SHFL: variants seen among roughly 807,000 people sequenced by gnomAD.
SHFL encodes the protein shiftless antiviral inhibitor of ribosomal frameshifting protein.
Under a neutral mutation model 34.7 loss-of-function variants are expected in SHFL, and 12 were observed. The observed-to-expected ratio is 0.35, with a 90% confidence interval of 0.22 to 0.56. The LOEUF is 0.56. Among genes scored for constraint, SHFL ranks in the 20% least tolerant of loss-of-function variants. The pLI is 0.88. For missense variants in SHFL, 278 were observed against 411.1 expected (o/e 0.68, Z 2.80); for synonymous variants, 148 against 156.0 (o/e 0.95, Z 0.38).
In SHFL at chr19:10,091,774, G is replaced by A; in HGVS notation, c.643+144G>A. On this transcript the variant is annotated intron_variant, in intron 7 of 7. Transcript: ENST00000253110. The surrounding 1 kb of genome is among the most constrained non-coding windows in gnomAD (Gnocchi z 8.2). Reference sequence around the variant, plus strand: ...GCCTCCATGACCCCCCAGTCTCCGTGGTCTTGCCCAGGAGGCTCTGAGGTT... The same window carrying A: ...GCCTCCATGACCCCCCAGTCTCCGTAGTCTTGCCCAGGAGGCTCTGAGGTT... 8.2e-7 allele frequency: 1 copy of A among 1,221,762 alleles called. No homozygotes were observed. 75.7% of individuals were successfully genotyped at this position (1,221,762 alleles called of 1,614,324 possible). A position where few individuals can be genotyped will look rare whatever the true frequency, so the allele number is the denominator to read the frequency against.
chr19:10,092,883 C>G lies in SHFL; in HGVS notation c.*581C>G, dbSNP rs1409650055. On this transcript the variant is annotated 3_prime_UTR_variant, in exon 8 of 8. Coordinates refer to ENST00000253110, the MANE Select transcript of SHFL (RefSeq NM_018381.4). Reference sequence around the variant, plus strand: ...CAGGCATCCCCTGGCCCCTCCCATTCTTATTGAATACAAGCCCTGATCTTC... The same window carrying G: ...CAGGCATCCCCTGGCCCCTCCCATTGTTATTGAATACAAGCCCTGATCTTC... 1 of 951,468 alleles carries G rather than the reference C, an allele frequency of 1.1e-6. No individual in the cohort carries two copies. The highest frequency in any genetic ancestry group is 1.5e-6 in the Non-Finnish European group (1 of 668,888). 58.9% of individuals were successfully genotyped at this position (951,468 alleles called of 1,614,324 possible).
In SHFL at chr19:10,089,685, G is replaced by C; in HGVS notation, c.224G>C (p.Arg75Pro). The change falls in exon 4 of 8, where the codon CGG becomes CCG. Residue 75 changes from arginine to proline, a missense_variant. By Grantham distance (103) the Arg-to-Pro change is moderately radical. Transcript: ENST00000253110. ...CCACCAGAAGATATGAAGCAGGACCGGGACATTCAGGTGAGTTGGTGGCTA... is the reference window on the plus strand; with the variant it reads ...CCACCAGAAGATATGAAGCAGGACCCGGACATTCAGGTGAGTTGGTGGCTA... Reference protein sequence around the residue: ...QDPPEDMKQDRDIQAVATSLL... With the variant: ...QDPPEDMKQDPDIQAVATSLL... The C allele has an allele frequency of 6.3e-7, 1 of 1,598,386 alleles. No individual in the cohort carries two copies. Among genetic ancestry groups the C allele is most frequent in the Non-Finnish European group, 8.5e-7 (1 of 1,172,038 alleles).
chr19:10,091,351 C>T lies in SHFL; in HGVS notation c.486C>T (p.Phe162=). ...ACTGCCCGAAGTGTCGGCACAACTT[C>T]CGGTGAGGGCGCTGACCCCCAGCTC... ...EFHCPKCRHN[F]RGWAQMGSPS... The change falls in exon 6 of 8, where the codon TTC becomes TTT. Residue 162 remains phenylalanine (F), a splice_region_variant and synonymous_variant. Transcript: ENST00000253110. The surrounding 1 kb of genome is among the most constrained non-coding windows in gnomAD (Gnocchi z 8.2). 1 of 1,613,236 alleles carries T rather than the reference C, an allele frequency of 6.2e-7. No homozygotes were observed. Among genetic ancestry groups the T allele is most frequent in the Non-Finnish European group, 8.5e-7 (1 of 1,179,616 alleles).
At chr19:10,087,144 C>T (rs2088301708) in intron 2 of SHFL, 92 bp downstream of exon 2, 4 of 1,587,748 alleles carry the variant, frequency 2.5e-6, no homozygotes, top group Non-Finnish European at 3.4e-6. Context: ...AGATCACCTC[C>T]CCCGGAGGTC....
chr19:10,089,881 C>T lies in SHFL; in HGVS notation c.235-17C>T, dbSNP rs896351969. 6.2e-7 allele frequency: 1 copy of T among 1,609,432 alleles called. No individual in the cohort carries two copies. The highest frequency in any genetic ancestry group is 1.7e-5 in the Admixed American group (1 of 59,484). ...GTGACACCCCCCCACCTCATCCCCA[C>T]CTGCCCCATTCCACAGGCAGTGGCG... On this transcript the variant is annotated splice_polypyrimidine_tract_variant and intron_variant, in intron 4 of 7. Coordinates refer to ENST00000253110, the MANE Select transcript of SHFL (RefSeq NM_018381.4).
intron 3 of SHFL, among the ~76,000 whole-genome samples, chr19:10,088,864 T>C (rs2145153819): frequency 6.6e-6 from 1 of 150,720 alleles, no homozygotes; most frequent in East Asian, 2.0e-4. Flanking sequence ...GAAGAATCAC[T>C]TGAACCTGGG....
In SHFL at chr19:10,093,234, C is replaced by T; in HGVS notation, c.*932C>T. On this transcript the variant is annotated 3_prime_UTR_variant, in exon 8 of 8. Coordinates refer to ENST00000253110, the MANE Select transcript of SHFL (RefSeq NM_018381.4). ...GTTCTCTTGACGGAATAAAAGCTTG[C>T]TTATCCTTATACTTACCAGAGGGGC... The T allele has an allele frequency of 7.4e-7, 1 of 1,357,954 alleles. No homozygotes were observed. The highest frequency in any genetic ancestry group is 1.0e-6 in the Non-Finnish European group (1 of 993,352). 84.1% of individuals were successfully genotyped at this position (1,357,954 alleles called of 1,614,324 possible).
rs1002825237 is a variant in SHFL at position 10,093,103 on chromosome 19, C to T, written c.*801C>T. On this transcript the variant is annotated 3_prime_UTR_variant, in exon 8 of 8. Coordinates refer to ENST00000253110, the MANE Select transcript of SHFL (RefSeq NM_018381.4). ...TTTCTAGAATAAGAGTACTAGCTCT[C>T]ACCCTCTGCCCTTTACTTGAACAGG... 6 of 551,662 alleles carry T rather than the reference C, an allele frequency of 1.1e-5. No homozygotes were observed. The highest frequency in any genetic ancestry group is 9.3e-5 in the African/African-American group (5 of 53,496). The allele number at this position is 551,662 out of a possible 1,614,324, so 34.2% of individuals were successfully genotyped here. A position where few individuals can be genotyped will look rare whatever the true frequency, so the allele number is the denominator to read the frequency against.
intron 3 of SHFL, chr19:10,089,113 A>G (rs1221968253): frequency 4.8e-6 from 3 of 630,678 alleles, no homozygotes; most frequent in Admixed American, 2.9e-5. Context: ...TTTCACAGAC[A>G]AAGAAACTGA....
At position 10,086,958 on chromosome 19, in the gene SHFL, G is replaced by A; in HGVS notation, c.51G>A (p.Glu17=). 1 of 1,613,864 alleles carries A rather than the reference G, an allele frequency of 6.2e-7. No homozygotes were observed. Among genetic ancestry groups the A allele is most frequent in the Non-Finnish European group, 8.5e-7 (1 of 1,179,836 alleles). Residue 17 remains glutamate, a synonymous_variant, in exon 2 of 8, where the codon GAG becomes GAA. Transcript: ENST00000253110. This position sits in a 1 kb window ranked among gnomAD's most constrained non-coding sequence, Gnocchi z 5.2. ...ELEKSVRRLR[E]KFHGKVSSKK... ...AGAAGAGCGTCCGGCGCCTCCGGGA[G>A]AAGTTTCATGGGAAGGTATCCTCCA... is the stretch of plus-strand genomic sequence containing the variant.
Position 10,086,880 on chromosome 19 carries a change from T to C in SHFL, c.22-49T>C. 1.2e-6 allele frequency: 2 copies of C among 1,603,950 alleles called. No individual in the cohort carries two copies. Among genetic ancestry groups the C allele is most frequent in the Non-Finnish European group, 1.7e-6 (2 of 1,174,196 alleles). On this transcript the variant is annotated intron_variant, in intron 1 of 7. Coordinates refer to ENST00000253110, the MANE Select transcript of SHFL (RefSeq NM_018381.4). The surrounding 1 kb of genome is among the most constrained non-coding windows in gnomAD (Gnocchi z 5.2). ...ACGGTGCCTAGAGATGGGGGAGGGA[T>C]GATCCCGTTTCCCCTTCCCCCACCG...
chr19:10,089,292 C>T (rs2088341221), intron 3 of SHFL: 2 of 1,597,466 alleles, frequency 1.3e-6, no homozygotes, highest in African/African-American at 2.7e-5. Flanking sequence ...GAACCCACAT[C>T]TCTCTCCCAC....
At position 10,092,950 on chromosome 19, in the gene SHFL, T is replaced by G. The variant is rs2088429938; in HGVS notation, c.*648T>G. On this transcript the variant is annotated 3_prime_UTR_variant, in exon 8 of 8. Transcript: ENST00000253110. Reference sequence around the variant, plus strand: ...AAATAGGAGCCCTGGCCCCCCAACTTTCTTCAGAGTAATAGCCTTAATTCC... The same window carrying G: ...AAATAGGAGCCCTGGCCCCCCAACTGTCTTCAGAGTAATAGCCTTAATTCC... The G allele has an allele frequency of 1.9e-6, 1 of 538,094 alleles. No homozygotes were observed. The highest frequency in any genetic ancestry group is 1.9e-5 in the African/African-American group (1 of 52,036). The allele number at this position is 538,094 out of a possible 1,614,324, so 33.3% of individuals were successfully genotyped here.
chr19:10,088,897 A>G (rs1175933766), intron 3 of SHFL: 1 of 151,848 alleles, frequency 6.6e-6, no homozygotes, highest in Non-Finnish European at 1.5e-5. Flanking sequence ...CAGTCAGCCA[A>G]GATTGTGCCA....
At position 10,092,497 on chromosome 19, in the gene SHFL, T is replaced by A; in HGVS notation, c.*195T>A. ...CAGTGGGAAGTTCTGTGGGACACAT[T>A]GGCACTGAGCCACAAAGAAGGTGTG... On this transcript the variant is annotated 3_prime_UTR_variant, in exon 8 of 8. Transcript: ENST00000253110. 1 of 1,525,124 alleles carries A rather than the reference T, an allele frequency of 6.6e-7. No homozygotes were observed. The highest frequency in any genetic ancestry group is 8.9e-7 in the Non-Finnish European group (1 of 1,129,758). The allele number at this position is 1,525,124 out of a possible 1,614,324, so 94.5% of individuals were successfully genotyped here.
chr19:10,089,817 A>G (rs541591126), intron 4 of SHFL, 81 bp from the exon 5 acceptor site: 1 of 1,566,524 alleles, frequency 6.4e-7, no homozygotes, highest in Admixed American at 1.9e-5. Context: ...ACTCGTCTGT[A>G]GGGAGAGGAG....
intron 3 of SHFL, chr19:10,087,603 G>C (rs1357026154): frequency 2.3e-6 from 1 of 441,034 alleles, no homozygotes; most frequent in East Asian, 4.7e-5. Flanking sequence ...GTCAGAGAAG[G>C]CTTACTGGAG....
chr19:10,086,910 C>T lies in SHFL; in HGVS notation c.22-19C>T, dbSNP rs1200503829. 4.3e-6 allele frequency: 7 copies of T among 1,613,194 alleles called. No individual in the cohort carries two copies. Among genetic ancestry groups the T allele is most frequent in the East Asian group, 4.5e-5 (2 of 44,838 alleles). On this transcript the variant is annotated intron_variant, in intron 1 of 7. Transcript: ENST00000253110. This position sits in a 1 kb window ranked among gnomAD's most constrained non-coding sequence, Gnocchi z 5.2. Reference sequence around the variant, plus strand: ...CCGTTTCCCCTTCCCCCACCGGAACCCCCCTGTCTCCATCCCAGCTGGAGA... The same window carrying T: ...CCGTTTCCCCTTCCCCCACCGGAACTCCCCTGTCTCCATCCCAGCTGGAGA...
chr19:10,092,829 A>G lies in SHFL; in HGVS notation c.*527A>G. 1 of 1,465,894 alleles carries G rather than the reference A, an allele frequency of 6.8e-7. No individual in the cohort carries two copies. Among genetic ancestry groups the G allele is most frequent in the South Asian group, 1.4e-5 (1 of 73,536 alleles). The allele number at this position is 1,465,894 out of a possible 1,614,324, so 90.8% of individuals were successfully genotyped here. A position where few individuals can be genotyped will look rare whatever the true frequency, so the allele number is the denominator to read the frequency against. ...TCCTCTCACCAGAATAAAAGCCTCT[A>G]CCTGCACCTCACAGTGCAAGGCTTT... On this transcript the variant is annotated 3_prime_UTR_variant, in exon 8 of 8. Coordinates refer to ENST00000253110, the MANE Select transcript of SHFL (RefSeq NM_018381.4).
Sources: gnomAD v4.1 joint callset for allele counts (sites outside exome capture counted in the v4.1 genomes callset) on GRCh38, gnomAD v4.1.1 for gene constraint, Gnocchi (gnomAD v3.1) non-coding constraint, MANE v1.5 for transcripts, NCBI Gene and HGNC (gene_info 2026-07-23, HGNC 2026-07-21) for gene names.